CCDC102B: variants seen among roughly 807,000 people sequenced by gnomAD.
CCDC102B encodes coiled-coil domain containing 102B, also known as coiled-coil domain-containing protein 102B.
A neutral mutation model predicts 57.4 loss-of-function variants in CCDC102B; 75 were observed. The ratio of observed to expected loss-of-function variants is 1.31; its 90% confidence interval spans 1.08 to 1.58. CCDC102B has a LOEUF of 1.58. Among genes scored for constraint, CCDC102B ranks in the 40% most tolerant of loss-of-function variants. CCDC102B has a pLI of 0.00. For missense variants in CCDC102B, 636 were observed against 582.6 expected, an observed-to-expected ratio of 1.09 and a Z score of -0.94; for synonymous variants, 206 against 201.9, an observed-to-expected ratio of 1.02 and a Z score of -0.17.
At chr18:68,803,356 A>G (rs9962971) in intron 1 of CCDC102B, among the ~76,000 whole-genome samples, 9,770 of 152,272 alleles carry the variant, frequency 0.064, 827 homozygotes, top group African/African-American at 0.2. Context: ...AGTAGAATCC[A>G]TACATAGTAT....
intron 3 of CCDC102B, among the ~76,000 whole-genome samples, chr18:68,844,072 G>A (rs1397051167): frequency 6.6e-6 from 1 of 151,802 alleles, no homozygotes; most frequent in East Asian, 1.9e-4. Context: ...TAATAAAAAT[G>A]CATACTTTTC....
chr18:69,054,283 ACTT>A lies in CCDC102B; in HGVS notation c.*152_*154del, dbSNP rs1372275754. ...AATACACAAATTAATGGGCTTCTTC[ACTT>A]CTTCTAATTTTTGCCTAACAGATAC... is the stretch of plus-strand genomic sequence containing the variant. On this transcript the variant is annotated 3_prime_UTR_variant, in exon 8 of 8. Transcript: ENST00000360242. 18 of 1,314,010 alleles carry A rather than the reference ACTT, an allele frequency of 1.4e-5. No individual in the cohort carries two copies. Among genetic ancestry groups the A allele is most frequent in the African/African-American group, 6.1e-5 (4 of 65,220 alleles). 81.4% of individuals were successfully genotyped at this position (1,314,010 alleles called of 1,614,324 possible).
chr18:68,833,786 A>G (rs2037247475), intron 1 of CCDC102B, among the ~76,000 whole-genome samples: 1 of 152,160 alleles, frequency 6.6e-6, no homozygotes, highest in South Asian at 2.1e-4. Context: ...GTAGACCCTT[A>G]ACATTTTATT....
intron 7 of CCDC102B, among the ~76,000 whole-genome samples, chr18:69,012,487 T>G (rs967573448): frequency 6.6e-6 from 1 of 152,178 alleles, no homozygotes; most frequent in Non-Finnish European, 1.5e-5. Context: ...TATTTGTTCC[T>G]CCATGTAGGA....
At chr18:68,866,707 C>G (rs547804720) in intron 4 of CCDC102B, 2 of 519,596 alleles carry the variant, frequency 3.8e-6, no homozygotes, top group Non-Finnish European at 7.5e-6. Context: ...TTGGCCTCTT[C>G]TCATGACGAT....
Position 68,827,659 on chromosome 18 carries a change from G to C in CCDC102B, c.-15-9090G>C, listed in dbSNP as rs1022326547. Among the ~76,000 whole-genome samples, 3 of 151,936 alleles carry C rather than the reference G, an allele frequency of 2.0e-5. No individual in the cohort carries two copies. The South Asian group carries it at 6.2e-4, about 31-fold the overall frequency. ...AAGTTCTAACACATCAATAATTACT[G>C]TAAATGTAAATGGCCTAAATAGACG... is the stretch of plus-strand genomic sequence containing the variant. On this transcript the variant is annotated intron_variant, in intron 1 of 7. Coordinates refer to ENST00000360242, the MANE Select transcript of CCDC102B (RefSeq NM_024781.3).
chr18:68,980,198 T>C (rs1323536226), intron 6 of CCDC102B, among the ~76,000 whole-genome samples: 1 of 151,834 alleles, frequency 6.6e-6, no homozygotes, highest in Non-Finnish European at 1.5e-5. Flanking sequence ...CTGCAGTGAC[T>C]GGGACCATTC....
chr18:68,996,804 G>A (rs762539175), intron 6 of CCDC102B, among the ~76,000 whole-genome samples: 1 of 152,190 alleles, frequency 6.6e-6, no homozygotes, highest in Non-Finnish European at 1.5e-5. Flanking sequence ...TTTGGGGGAA[G>A]CTTGGGAAGG....
chr18:68,872,593 T>A (rs2051303), intron 4 of CCDC102B, among the ~76,000 whole-genome samples: 51,409 of 151,724 alleles, frequency 0.34, 9,530 homozygotes, highest in African/African-American at 0.49. Flanking sequence ...GGATCCAGTT[T>A]TTTCTCTCCA....
chr18:68,971,284 T>C (rs758066476), intron 6 of CCDC102B, among the ~76,000 whole-genome samples: 1 of 152,102 alleles, frequency 6.6e-6, no homozygotes, highest in Non-Finnish European at 1.5e-5. Context: ...TGTTGTTTTA[T>C]GCAACTGGTA....
intron 2 of CCDC102B, among the ~76,000 whole-genome samples, chr18:68,789,427 TC>T (rs2035342948): frequency 1.3e-5 from 2 of 152,330 alleles, no homozygotes; most frequent in South Asian, 4.1e-4. Flanking sequence ...CAGAGTGTTT[TC>T]CAACTTGGTT....
intron 6 of CCDC102B, among the ~76,000 whole-genome samples, chr18:68,997,926 ACTC>A (rs1266582759): frequency 6.6e-6 from 1 of 151,186 alleles, no homozygotes; most frequent in East Asian, 1.9e-4. Context: ...GTGTTTGTTT[ACTC>A]CTCCTCACAT....
intron 5 of CCDC102B, among the ~76,000 whole-genome samples, chr18:68,876,850 A>G (rs1358062096): frequency 1.3e-5 from 2 of 152,228 alleles, no homozygotes; most frequent in African/African-American, 2.4e-5. Flanking sequence ...GCTGTCACAG[A>G]GAAATATACT....
intron 2 of CCDC102B, among the ~76,000 whole-genome samples, chr18:68,752,878 G>T (rs2033913227): frequency 6.6e-6 from 1 of 151,912 alleles, no homozygotes; most frequent in South Asian, 2.1e-4. Flanking sequence ...AAATATTCTG[G>T]TTCCTACATC....
At chr18:68,932,946 GT>G (rs1311641769) in intron 6 of CCDC102B, among the ~76,000 whole-genome samples, 4 of 151,772 alleles carry the variant, frequency 2.6e-5, no homozygotes, top group Non-Finnish European at 5.9e-5. Flanking sequence ...AGCACTTTGT[GT>G]TATTTGTTGA....
At chr18:69,030,760 T>C (rs1323125120) in intron 7 of CCDC102B, among the ~76,000 whole-genome samples, 1 of 152,162 alleles carries the variant, frequency 6.6e-6, no homozygotes, top group African/African-American at 2.4e-5. Flanking sequence ...GTTCAAGCAA[T>C]TCTTCTGCCT....
intron 6 of CCDC102B, among the ~76,000 whole-genome samples, chr18:69,009,924 ATTTTTTTT>A (rs770668683): frequency 6.0e-5 from 2 of 33,530 alleles, no homozygotes; most frequent in Non-Finnish European, 1.2e-4. Context: ...TTTAATAAAG[ATTTTTTTT>A]TTTTTTTTTT....
At chr18:68,745,759 G>A (rs1399082187) in intron 2 of CCDC102B, among the ~76,000 whole-genome samples, 1 of 152,018 alleles carries the variant, frequency 6.6e-6, no homozygotes, top group African/African-American at 2.4e-5. Context: ...CCAGACTCTA[G>A]TAACCACGAT....
At chr18:68,756,988 G>T (rs1401082206) in intron 2 of CCDC102B, among the ~76,000 whole-genome samples, 1 of 151,980 alleles carries the variant, frequency 6.6e-6, no homozygotes, top group African/African-American at 2.4e-5. Context: ...AGAACTGGGT[G>T]GTGGTCAAGC....
Sources: gnomAD v4.1 joint callset for allele counts (sites outside exome capture counted in the v4.1 genomes callset) on GRCh38, gnomAD v4.1.1 for gene constraint, MANE v1.5 for transcripts, NCBI Gene and HGNC (gene_info 2026-07-23, HGNC 2026-07-21) for gene names.